MAP2K1: variants seen among roughly 807,000 people sequenced by gnomAD.
The protein encoded by MAP2K1 is dual specificity mitogen-activated protein kinase kinase 1.
MAP2K1 carries 16 observed loss-of-function variants against 46.3 expected under a neutral mutation model. The ratio of observed to expected loss-of-function variants is 0.35; its 90% CI spans 0.23 to 0.52. MAP2K1 has a LOEUF of 0.52. MAP2K1 is among the 20% of genes least tolerant of loss of function. The probability of loss-of-function intolerance (pLI) is 0.94; values close to 1 mark genes in which losing one functional copy is unlikely to be tolerated. For missense variants in MAP2K1, 263 were observed against 497.1 expected (o/e 0.53, Z 4.48); for synonymous variants, 183 against 185.6 (o/e 0.99, Z 0.11).
At chr15:66,391,566 C>G (rs1206591147) in intron 1 of MAP2K1, among the ~76,000 whole-genome samples, 1 of 152,292 alleles carries the variant, frequency 6.6e-6, no homozygotes, top group Non-Finnish European at 1.5e-5. Context: ...GCCACTGTGC[C>G]CAGCCTGCAC....
Position 66,439,356 on chromosome 15 carries a change from G to A in MAP2K1, c.438+2464G>A, listed in dbSNP as rs186390045. On this transcript the variant is annotated intron_variant, in intron 3 of 10. Coordinates refer to ENST00000307102, the MANE Select transcript of MAP2K1 (RefSeq NM_002755.4). ...TATTATGAAAATTTTCACAGGCTGG[G>A]CATGGTGGCTTACACCTGTAATTCC... 2.0e-5 allele frequency among the ~76,000 whole-genome samples: 3 copies of A among 152,322 alleles called. No homozygotes were observed. In the East Asian group the frequency reaches 5.8e-4, roughly 29 times the overall value.
intron 1 of MAP2K1, among the ~76,000 whole-genome samples, chr15:66,396,708 G>A (rs1039924479): frequency 3.9e-5 from 6 of 151,940 alleles, no homozygotes; most frequent in African/African-American, 7.3e-5. Context: ...TTTTGAGACA[G>A]AGTTTTGCTC....
chr15:66,398,112 AGTC>A (rs1238832956), intron 1 of MAP2K1, among the ~76,000 whole-genome samples: 1 of 149,646 alleles, frequency 6.7e-6, no homozygotes, highest in Non-Finnish European at 1.5e-5. Context: ...AAAAAAAAAA[AGTC>A]AGTATAAGGG....
intron 1 of MAP2K1, among the ~76,000 whole-genome samples, chr15:66,430,369 T>C (rs2093472289): frequency 1.3e-5 from 2 of 152,216 alleles, no homozygotes; most frequent in African/African-American, 4.8e-5. Flanking sequence ...CTTCCCTTCC[T>C]GCAGTGTACC....
Position 66,444,703 on chromosome 15 carries a change from C to T in MAP2K1, c.564C>T (p.His188=), listed in dbSNP as rs1021767551. 2 of 1,611,494 alleles carry T rather than the reference C, an allele frequency of 1.2e-6. No individual in the cohort carries two copies. Among genetic ancestry groups the T allele is most frequent in the Non-Finnish European group, 1.7e-6 (2 of 1,177,762 alleles). The change falls in exon 5 of 11, where the codon CAC becomes CAT. Residue 188 remains histidine (H), a synonymous_variant. Transcript: ENST00000307102. The stretch of plus-strand genomic sequence containing the variant: ...TGAGGGAGAAGCACAAGATCATGCA[C>T]AGAGGTAAGAAGTTATTTGCTAGTT... ...TYLREKHKIM[H]RDVKPSNILV...
intron 5 of MAP2K1, among the ~76,000 whole-genome samples, chr15:66,462,715 T>C (rs1892358301): frequency 6.6e-6 from 1 of 151,992 alleles, no homozygotes; most frequent in Non-Finnish European, 1.5e-5. Context: ...GGTGGACAGC[T>C]GTCAGGGGAG....
At chr15:66,420,234 A>AT (rs2093434593) in intron 1 of MAP2K1, among the ~76,000 whole-genome samples, 1 of 151,376 alleles carries the variant, frequency 6.6e-6, no homozygotes, top group Admixed American at 6.6e-5. Flanking sequence ...ACAGAGCAAG[A>AT]CTCTGTCAAA....
chr15:66,449,754 G>A (rs762647581), intron 5 of MAP2K1, among the ~76,000 whole-genome samples: 10 of 152,178 alleles, frequency 6.6e-5, no homozygotes, highest in East Asian at 1.9e-4. Flanking sequence ...GGTGGTGGGC[G>A]CCTATAATCC....
chr15:66,422,625 A>G (rs905091819), intron 1 of MAP2K1, among the ~76,000 whole-genome samples: 3 of 152,202 alleles, frequency 2.0e-5, no homozygotes, highest in African/African-American at 7.2e-5. Context: ...CTGGAAGGAA[A>G]CATAGATAAA....
rs146254400 is a variant in MAP2K1, at chr15:66,438,420, G to T, written c.438+1528G>T. On this transcript the variant is annotated intron_variant, in intron 3 of 10. Transcript: ENST00000307102. ...TATTTTTCTTACATTGACCTCTTTTGAGATACTAGGAGGCTTCTTCATTTA... is the reference window on the plus strand; with the variant it reads ...TATTTTTCTTACATTGACCTCTTTTTAGATACTAGGAGGCTTCTTCATTTA... 1.2e-3 allele frequency among the ~76,000 whole-genome samples: 184 copies of T among 152,226 alleles called. 1 individual carries two copies. Among genetic ancestry groups the T allele is most frequent in the African/African-American group, 4.2e-3 (173 of 41,560 alleles).
intron 5 of MAP2K1, among the ~76,000 whole-genome samples, chr15:66,454,325 G>A (rs1300120355): frequency 6.6e-6 from 1 of 152,160 alleles, no homozygotes; most frequent in Non-Finnish European, 1.5e-5. Flanking sequence ...AAAGTTGAAG[G>A]TTCAAATTGT....
At chr15:66,448,560 C>A (rs1891941477) in intron 5 of MAP2K1, among the ~76,000 whole-genome samples, 1 of 152,122 alleles carries the variant, frequency 6.6e-6, no homozygotes, top group African/African-American at 2.4e-5. Flanking sequence ...CCTCTCATTT[C>A]CAGGGAAAAT....
chr15:66,478,460 A>G (rs1236717924), intron 5 of MAP2K1, among the ~76,000 whole-genome samples: 18 of 130,156 alleles, frequency 1.4e-4, no homozygotes, highest in Non-Finnish European at 2.5e-4. Flanking sequence ...ATATACAGGT[A>G]TATATATATA....
At position 66,467,266 on chromosome 15, in the gene MAP2K1, A is replaced by G. The variant is rs60280711; in HGVS notation, c.569-14489A>G. ...AAAAAAAAGAGAAACCATCATTGCAAAATTATAACTGAGACAGTGAAAAAG... is the reference window on the plus strand; with the variant it reads ...AAAAAAAAGAGAAACCATCATTGCAGAATTATAACTGAGACAGTGAAAAAG... On this transcript the variant is annotated intron_variant, in intron 5 of 10. Transcript: ENST00000307102. Among the ~76,000 whole-genome samples the G allele has an allele frequency of 9.3e-4, 141 of 152,250 alleles. 1 individual carries two copies. The highest frequency in any genetic ancestry group is 3.4e-3 in the African/African-American group (140 of 41,564).
chr15:66,408,913 A>G (rs965388976), intron 1 of MAP2K1, among the ~76,000 whole-genome samples: 1 of 152,050 alleles, frequency 6.6e-6, no homozygotes, highest in Non-Finnish European at 1.5e-5. Context: ...ATTCCATCAC[A>G]CTTCAGTTAC....
intron 1 of MAP2K1, among the ~76,000 whole-genome samples, chr15:66,396,198 A>T (rs964040611): frequency 6.6e-6 from 1 of 152,086 alleles, no homozygotes; most frequent in Non-Finnish European, 1.5e-5. Flanking sequence ...TACAAAATTT[A>T]AAAATGATGG....
At chr15:66,422,033 C>G (rs1474802674) in intron 1 of MAP2K1, among the ~76,000 whole-genome samples, 1 of 152,110 alleles carries the variant, frequency 6.6e-6, no homozygotes, top group African/African-American at 2.4e-5. Flanking sequence ...GTGGTACAGT[C>G]ATTGCCCCAG....
intron 5 of MAP2K1, among the ~76,000 whole-genome samples, chr15:66,448,053 C>T (rs554604803): frequency 2.3e-4 from 34 of 145,980 alleles, no homozygotes; most frequent in African/African-American, 7.3e-4. Flanking sequence ...CTTGGGAGGC[C>T]GAGGCATGAG....
chr15:66,389,583 T>G (rs930604645), intron 1 of MAP2K1, among the ~76,000 whole-genome samples: 1 of 145,308 alleles, frequency 6.9e-6, no homozygotes, highest in Non-Finnish European at 1.5e-5. Context: ...TTTTTTTTTT[T>G]TTTTTTTTTT....
Sources: gnomAD v4.1 joint callset for allele counts (sites outside exome capture counted in the v4.1 genomes callset) on GRCh38, gnomAD v4.1.1 for gene constraint, MANE v1.5 for transcripts, NCBI Gene and HGNC (gene_info 2026-07-23, HGNC 2026-07-21) for gene names.